MRPS5: variants seen among roughly 807,000 people sequenced by gnomAD.
The protein encoded by MRPS5 is small ribosomal subunit protein uS5m.
MRPS5 carries 27 observed loss-of-function variants against 51.9 expected under a neutral mutation model. The observed-to-expected ratio is 0.52, with a 90% CI of 0.38 to 0.72. MRPS5 has a LOEUF of 0.72. MRPS5 is among the 30% of genes least tolerant of loss of function. The pLI is 0.00. For synonymous variants in MRPS5, 196 were observed against 193.2 expected (o/e 1.01, Z -0.12); for missense variants, 570 against 545.7 (o/e 1.04, Z -0.44).
chr2:95,088,166 G>C (rs1675353134), intron 11 of MRPS5, among the ~76,000 whole-genome samples: 1 of 151,842 alleles, frequency 6.6e-6, no homozygotes, highest in Non-Finnish European at 1.5e-5. Flanking sequence ...AATGGAATTT[G>C]CTCATTTGTA....
At chr2:95,099,791 T>C (rs536719105) in intron 10 of MRPS5, among the ~76,000 whole-genome samples, 5 of 152,380 alleles carry the variant, frequency 3.3e-5, no homozygotes, top group East Asian at 3.8e-4. Context: ...AAGCCATGGC[T>C]CTAGCAACGT....
chr2:95,106,393 T>A, intron 6 of MRPS5, 30 bp downstream of exon 6: 1 of 925,676 alleles, frequency 1.1e-6, no homozygotes, highest in Non-Finnish European at 1.6e-6. Context: ...CTCCAAAGGC[T>A]TAACCAGGTA....
At chr2:95,091,221 G>A (rs962243539) in intron 10 of MRPS5, 1 of 153,152 alleles carries the variant, frequency 6.5e-6, no homozygotes, top group Non-Finnish European at 1.5e-5. Context: ...ACCTCATCTA[G>A]AGACACGCCA....
intron 1 of MRPS5, among the ~76,000 whole-genome samples, chr2:95,121,432 G>A (rs1379678709): frequency 2.0e-5 from 3 of 152,102 alleles, no homozygotes; most frequent in Non-Finnish European, 4.4e-5. Flanking sequence ...CGCCCCAAAG[G>A]CGATGCTTGC....
chr2:95,102,668 GA>G (rs1675838428), intron 7 of MRPS5, among the ~76,000 whole-genome samples: 1 of 151,902 alleles, frequency 6.6e-6, no homozygotes. Context: ...TCTCAGGAAG[GA>G]AAAAAATATC....
intron 8 of MRPS5, 88 bp downstream of exon 8, chr2:95,101,589 T>C: frequency 9.3e-7 from 1 of 1,074,314 alleles, no homozygotes; most frequent in Non-Finnish European, 1.3e-6. Context: ...CTGGGACAAA[T>C]TATTATTGTT....
intron 9 of MRPS5, 66 bp downstream of exon 9, chr2:95,100,771 T>C (rs1485462620): frequency 1.8e-5 from 22 of 1,245,780 alleles, no homozygotes; most frequent in East Asian, 4.8e-5. Flanking sequence ...TAGAGATACA[T>C]TGTCACACAG....
intron 11 of MRPS5, 112 bp from the exon 12 acceptor site, chr2:95,087,693 T>A (rs753173819): frequency 2.0e-5 from 17 of 867,406 alleles, no homozygotes; most frequent in Non-Finnish European, 3.0e-5. Flanking sequence ...AAAGGCCATT[T>A]CAGTGGATTT....
At chr2:95,089,569 G>A (rs1234487870) in intron 11 of MRPS5, among the ~76,000 whole-genome samples, 2 of 152,120 alleles carry the variant, frequency 1.3e-5, no homozygotes, top group Non-Finnish European at 2.9e-5. Context: ...CGGGCCCAGG[G>A]CTCCCACCTA....
chr2:95,107,824 G>A (rs538706157), intron 5 of MRPS5, among the ~76,000 whole-genome samples: 14 of 152,186 alleles, frequency 9.2e-5, no homozygotes, highest in Non-Finnish European at 2.1e-4. Context: ...TACAGAAACA[G>A]CATTCCCAAG....
chr2:95,115,056 T>C lies in MRPS5; in HGVS notation c.277+10A>G, dbSNP rs571123211. ...TCAAGAAACAGGAAGTTTGTGGCCATTCTACATACATTTAGTGAAGAAACT... is the reference window on the plus strand; with the variant it reads ...TCAAGAAACAGGAAGTTTGTGGCCACTCTACATACATTTAGTGAAGAAACT... On this transcript the variant is annotated intron_variant, in intron 3 of 11. Coordinates refer to ENST00000272418, the MANE Select transcript of MRPS5 (RefSeq NM_031902.5). 6.6e-7 allele frequency: 1 copy of C among 1,514,418 alleles called. No individual in the cohort carries two copies. The highest frequency in any genetic ancestry group is 1.3e-5 in the South Asian group (1 of 76,184). 93.8% of individuals were successfully genotyped at this position (1,514,418 alleles called of 1,614,324 possible).
At chr2:95,111,392 CAG>C (rs1210054895) in intron 3 of MRPS5, among the ~76,000 whole-genome samples, 1 of 152,190 alleles carries the variant, frequency 6.6e-6, no homozygotes, top group Admixed American at 6.5e-5. Flanking sequence ...CAATCAATCA[CAG>C]AGTTTTCTTT....
At chr2:95,118,989 A>T (rs1265644762) in intron 1 of MRPS5, among the ~76,000 whole-genome samples, 2 of 152,214 alleles carry the variant, frequency 1.3e-5, no homozygotes, top group Non-Finnish European at 2.9e-5. Context: ...AAGAAAAAAA[A>T]TAGACAAATG....
chr2:95,111,568 AAGAC>A (rs1676117707), intron 3 of MRPS5, among the ~76,000 whole-genome samples: 2 of 152,314 alleles, frequency 1.3e-5, no homozygotes, highest in African/African-American at 4.8e-5. Flanking sequence ...ATATTTGAAA[AAGAC>A]AGCAAGTCAT....
In MRPS5 at chr2:95,104,618, G is replaced by A. The variant is rs1400132551; in HGVS notation, c.763+22C>T. On this transcript the variant is annotated intron_variant, in intron 7 of 11. Transcript: ENST00000272418. ...TTTCCCTGCACACCACCGCCACTGT[G>A]ATGCCATCACTCCCCATTCACCTGC... 3 of 1,612,364 alleles carry A rather than the reference G, an allele frequency of 1.9e-6. No homozygotes were observed. In the African/African-American group the frequency reaches 4.0e-5, roughly 22 times the overall value.
At chr2:95,112,784 CA>C (rs1334473001) in intron 3 of MRPS5, among the ~76,000 whole-genome samples, 3 of 152,064 alleles carry the variant, frequency 2.0e-5, no homozygotes, top group Admixed American at 2.0e-4. Context: ...ACAGGCGGAT[CA>C]CGAGGTCAGG....
intron 11 of MRPS5, among the ~76,000 whole-genome samples, chr2:95,090,136 C>T (rs1414903038): frequency 7.1e-6 from 1 of 141,734 alleles, no homozygotes; most frequent in Non-Finnish European, 1.5e-5. Context: ...GGGATCCCGC[C>T]ACTGCACTCC....
At chr2:95,088,917 A>C (rs910521467) in intron 11 of MRPS5, among the ~76,000 whole-genome samples, 8 of 152,144 alleles carry the variant, frequency 5.3e-5, no homozygotes, top group Non-Finnish European at 1.2e-4. Flanking sequence ...AAATACAAAA[A>C]TTAGCCGGGC....
At chr2:95,112,187 C>A (rs1211179786) in intron 3 of MRPS5, among the ~76,000 whole-genome samples, 3 of 152,094 alleles carry the variant, frequency 2.0e-5, no homozygotes, top group Non-Finnish European at 4.4e-5. Flanking sequence ...GCCTCAGCCT[C>A]CCGAGTAGCT....
Sources: allele counts gnomAD v4.1 joint callset (sites outside exome capture counted in the v4.1 genomes callset), GRCh38; gene constraint gnomAD v4.1.1; transcripts MANE v1.5; gene names NCBI Gene and HGNC (gene_info 2026-07-23, HGNC 2026-07-21).